Variants in TRIM66 observed in about 807,000 individuals in gnomAD.
The protein encoded by TRIM66 is tripartite motif containing 66, also known as tripartite motif-containing protein 66.
In TRIM66, 99 loss-of-function variants were observed where a neutral mutation model predicts 148.2. That is an observed-to-expected ratio of 0.67 (90% confidence interval 0.57 to 0.79). The LOEUF is 0.79. Ranked by LOEUF, TRIM66 falls within the 30% of genes least tolerant of loss-of-function variation. The probability of loss-of-function intolerance (pLI) is 0.00; values close to 1 mark genes in which losing one functional copy is unlikely to be tolerated. For missense variants in TRIM66, 1,666 were observed against 1,697.9 expected (o/e 0.98, Z 0.33); for synonymous variants, 616 against 635.9 (o/e 0.97, Z 0.47).
At chr11:8,638,006 G>T (rs367648800) in intron 15 of TRIM66, among the ~76,000 whole-genome samples, 1 of 152,256 alleles carries the variant, frequency 6.6e-6, no homozygotes, top group African/African-American at 2.4e-5. Flanking sequence ...CTAGTAGGTG[G>T]GTGGACAGAA....
At position 8,640,529 on chromosome 11, in the gene TRIM66, G is replaced by A. The variant is rs929188111; in HGVS notation, c.1846C>T (p.Leu616Phe). ...TGTGGCTGCTGTGGGGGAGGGGGAA[G>A]GGGAGGTGGGGGATGGGGGAGGGGT... ...PPPLPHPPPP[L>F]PPPPQQPHPP... Residue 616 changes from leucine to phenylalanine, a missense_variant, in exon 14 of 25, where the codon CTT (leucine) becomes TTT (phenylalanine). Physicochemically the swap from Leu to Phe is conservative, Grantham distance 22. Coordinates refer to ENST00000646038, the MANE Select transcript of TRIM66 (RefSeq NM_001388022.1). 3.3e-6 allele frequency: 5 copies of A among 1,535,134 alleles called. No homozygotes were observed. The highest frequency in any genetic ancestry group is 3.5e-6 in the Non-Finnish European group (4 of 1,138,750).
intron 10 of TRIM66, among the ~76,000 whole-genome samples, chr11:8,647,149 TG>T (rs1565531750): frequency 6.6e-6 from 1 of 151,470 alleles, no homozygotes; most frequent in African/African-American, 2.4e-5. Flanking sequence ...GGCTTCTTTT[TG>T]GGGGGATGAA....
intron 12 of TRIM66, among the ~76,000 whole-genome samples, chr11:8,643,642 T>A (rs2036598471): frequency 6.6e-6 from 1 of 152,118 alleles, no homozygotes; most frequent in Admixed American, 6.5e-5. Flanking sequence ...GCACCTGGCC[T>A]GGAACCCCTA....
rs2033508823 is a variant in TRIM66, at chr11:8,613,217, G to C, written c.*4727C>G. On this transcript the variant is annotated 3_prime_UTR_variant, in exon 25 of 25. Transcript: ENST00000646038. ...CAGCCACAGACATTTCCCCCATCTA[G>C]GTTTCAAGGACAGCTCAGCCTGTGT... 1 of 152,188 alleles carries C rather than the reference G, an allele frequency of 6.6e-6. No individual in the cohort carries two copies. Among genetic ancestry groups the C allele is most frequent in the Non-Finnish European group, 1.5e-5 (1 of 68,048 alleles). The allele number at this position is 152,188 out of a possible 1,614,324, so 9.4% of individuals were successfully genotyped here. A position where few individuals can be genotyped will look rare whatever the true frequency, so the allele number is the denominator to read the frequency against.
chr11:8,631,493 A>C (rs1462297084), intron 15 of TRIM66, among the ~76,000 whole-genome samples: 1 of 152,240 alleles, frequency 6.6e-6, no homozygotes, highest in Non-Finnish European at 1.5e-5. Context: ...GCAGAGCATA[A>C]GGAGGCTAAG....
rs1055385052 is a variant in TRIM66 at position 8,612,342 on chromosome 11, C to T, written c.*5602G>A. On this transcript the variant is annotated 3_prime_UTR_variant, in exon 25 of 25. Transcript: ENST00000646038. ...TGGACTCCCCCAGCTGTGTCCCACCCCTGGAATTCCCCTGTTCCTTATGTG... is the reference window on the plus strand; with the variant it reads ...TGGACTCCCCCAGCTGTGTCCCACCTCTGGAATTCCCCTGTTCCTTATGTG... The T allele has an allele frequency of 3.3e-5, 5 of 152,188 alleles. No individual in the cohort carries two copies. The highest frequency in any genetic ancestry group is 5.9e-5 in the Non-Finnish European group (4 of 68,056). 9.4% of individuals were successfully genotyped at this position (152,188 alleles called of 1,614,324 possible).
chr11:8,640,421 T>C lies in TRIM66; in HGVS notation c.1954A>G (p.Ile652Val). 1 of 1,551,886 alleles carries C rather than the reference T, an allele frequency of 6.4e-7. No individual in the cohort carries two copies. Among genetic ancestry groups the C allele is most frequent in the Non-Finnish European group, 8.7e-7 (1 of 1,147,064 alleles). ...TCCAGCTCAAACTTGTGATGCATTA[T>C]GTCCATGTTCTGAGAACAGGCAGGG... ...PGPACSQNMD[I>V]MHHKFELEEM... Residue 652 changes from isoleucine (I) to valine (V), a missense_variant, in exon 14 of 25, where the codon ATA (isoleucine) becomes GTA (valine). Transcript: ENST00000646038.
intron 6 of TRIM66, among the ~76,000 whole-genome samples, chr11:8,669,656 A>C (rs921356589): frequency 6.6e-6 from 1 of 151,164 alleles, no homozygotes; most frequent in East Asian, 1.9e-4. Context: ...AAAAAAAAAA[A>C]AAACTCCTTT....
chr11:8,648,092 G>C lies in TRIM66; in HGVS notation c.726-6C>G, dbSNP rs753776864. On this transcript the variant is annotated splice_polypyrimidine_tract_variant and splice_region_variant and intron_variant, in intron 9 of 24. Transcript: ENST00000646038. ...CTTCTTCAACATGTCTGCACCTAGG[G>C]GATGAGGCAGAGAAAAAGCTGAGAA... 8.4e-6 allele frequency: 13 copies of C among 1,550,378 alleles called. No individual in the cohort carries two copies. In the East Asian group the frequency reaches 1.2e-4, roughly 15 times the overall value.
At chr11:8,629,357 C>A (rs10840097) in intron 15 of TRIM66, among the ~76,000 whole-genome samples, 1 of 152,126 alleles carries the variant, frequency 6.6e-6, no homozygotes, top group Non-Finnish European at 1.5e-5. Context: ...GTGGTTTTGG[C>A]GCTCATTTAA....
At chr11:8,654,667 ACAT>A (rs2037657171) in intron 6 of TRIM66, 2 of 152,256 alleles carry the variant, frequency 1.3e-5, no homozygotes, top group Admixed American at 6.5e-5. Flanking sequence ...TCCTCACTTA[ACAT>A]CAGTGGTAGG....
Position 8,642,989 on chromosome 11 carries a change from G to C in TRIM66, c.1222+20C>G, listed in dbSNP as rs2036536099. On this transcript the variant is annotated intron_variant, in intron 13 of 24. Coordinates refer to ENST00000646038, the MANE Select transcript of TRIM66 (RefSeq NM_001388022.1). ...AAGCCCACAGGGTGGGTAGGCCTGG[G>C]TGGGTGGGTCCAAGCTCACCAAGAG... The C allele has an allele frequency of 6.5e-7, 1 of 1,531,922 alleles. No individual in the cohort carries two copies. 94.9% of individuals were successfully genotyped at this position (1,531,922 alleles called of 1,614,324 possible).
At chr11:8,626,502 T>A (rs1458124961) in intron 15 of TRIM66, among the ~76,000 whole-genome samples, 2 of 152,190 alleles carry the variant, frequency 1.3e-5, no homozygotes, top group Admixed American at 1.3e-4. Flanking sequence ...GAAGGAGGCA[T>A]CAGTGAAGCA....
At chr11:8,645,072 C>G (rs1164307815) in intron 12 of TRIM66, among the ~76,000 whole-genome samples, 1 of 152,134 alleles carries the variant, frequency 6.6e-6, no homozygotes, top group African/African-American at 2.4e-5. Context: ...CCCTGGGTTC[C>G]TGACTTTCTC....
At chr11:8,632,504 G>A (rs2035507349) in intron 15 of TRIM66, among the ~76,000 whole-genome samples, 1 of 147,462 alleles carries the variant, frequency 6.8e-6, no homozygotes, top group Admixed American at 6.8e-5. Context: ...GGGCCAGGCT[G>A]GGGTGCAGTC....
chr11:8,629,662 C>T (rs904964346), intron 15 of TRIM66, among the ~76,000 whole-genome samples: 5 of 152,122 alleles, frequency 3.3e-5, no homozygotes, highest in Admixed American at 6.6e-5. Context: ...GGAAAAATTG[C>T]GGAAACTCCA....
Position 8,678,704 on chromosome 11 carries a change from A to G in TRIM66, c.-190+916T>C, listed in dbSNP as rs1267804559. Among the ~76,000 whole-genome samples, 4 of 152,362 alleles carry G rather than the reference A, an allele frequency of 2.6e-5. No homozygotes were observed. In the East Asian group the frequency reaches 5.8e-4, roughly 22 times the overall value. ...AACAGTGCTCTACTTAAAAAAGAAA[A>G]CGAACATATTTCCAAATGTCCACAT... is the stretch of plus-strand genomic sequence containing the variant. On this transcript the variant is annotated intron_variant, in intron 3 of 24. Coordinates refer to ENST00000646038, the MANE Select transcript of TRIM66 (RefSeq NM_001388022.1).
intron 6 of TRIM66, among the ~76,000 whole-genome samples, chr11:8,668,264 GT>G (rs138176572): frequency 0.019 from 2,769 of 145,734 alleles, 83 homozygotes; most frequent in African/African-American, 0.063. Context: ...TTAAAATCAG[GT>G]TTTTTTTTTT....
Position 8,682,459 on chromosome 11 carries a change from T to A in TRIM66, c.-548+142A>T, listed in dbSNP as rs182859259. 1.1e-4 allele frequency: 40 copies of A among 371,996 alleles called. No individual in the cohort carries two copies. The East Asian group carries it at 2.5e-3, about 23-fold the overall frequency. The allele number at this position is 371,996 out of a possible 1,614,324, so 23.0% of individuals were successfully genotyped here. ...TGAGGAGCTCAGACAACGAGGCCCT[T>A]AGGGTCGGCTTAGGCGGTTCCCTGA... On this transcript the variant is annotated intron_variant, in intron 1 of 24. Coordinates refer to ENST00000646038, the MANE Select transcript of TRIM66 (RefSeq NM_001388022.1).
Sources: allele counts gnomAD v4.1 joint callset (sites outside exome capture counted in the v4.1 genomes callset), GRCh38; gene constraint gnomAD v4.1.1; transcripts MANE v1.5; gene names NCBI Gene and HGNC (gene_info 2026-07-23, HGNC 2026-07-21).